The following FGF12 variants were observed in gnomAD, a reference collection of about 807,000 sequenced individuals.
FGF12 encodes fibroblast growth factor 12.
A neutral mutation model predicts 23.6 loss-of-function variants in FGF12; 14 were observed. The ratio of observed to expected loss-of-function variants is 0.59; its 90% CI spans 0.39 to 0.93. The LOEUF is 0.93. FGF12 is among the 40% of genes least tolerant of loss of function. The probability of loss-of-function intolerance (pLI) is 0.00; values close to 1 mark genes in which losing one functional copy is unlikely to be tolerated. For missense variants in FGF12, 175 were observed against 217.8 expected, an observed-to-expected ratio of 0.80 and a Z score of 1.24; for synonymous variants, 62 against 77.3, an observed-to-expected ratio of 0.80 and a Z score of 1.04.
intron 2 of FGF12, among the ~76,000 whole-genome samples, chr3:192,495,504 G>C (rs1723928846): frequency 6.6e-6 from 1 of 152,198 alleles, no homozygotes; most frequent in Admixed American, 6.5e-5. Flanking sequence ...CAATCATAAA[G>C]TGTTTTAGAC....
intron 2 of FGF12, among the ~76,000 whole-genome samples, chr3:192,552,708 T>C (rs1166337653): frequency 6.6e-6 from 1 of 152,078 alleles, no homozygotes; most frequent in Non-Finnish European, 1.5e-5. Context: ...CTGGCCAACA[T>C]GGTGAAATCC....
chr3:192,236,545 G>C (rs913200250), intron 4 of FGF12, among the ~76,000 whole-genome samples: 4 of 152,140 alleles, frequency 2.6e-5, no homozygotes, highest in African/African-American at 7.2e-5. Context: ...TTCCAGTGTT[G>C]GGTGCATACA....
At chr3:192,269,066 C>T (rs959115392) in intron 4 of FGF12, among the ~76,000 whole-genome samples, 1 of 152,044 alleles carries the variant, frequency 6.6e-6, no homozygotes, top group Non-Finnish European at 1.5e-5. Flanking sequence ...AGGCGTGTGC[C>T]ACCACGCCTG....
chr3:192,300,931 T>A (rs552422224), intron 4 of FGF12, among the ~76,000 whole-genome samples: 1 of 152,172 alleles, frequency 6.6e-6, no homozygotes, highest in South Asian at 2.1e-4. Flanking sequence ...GGCATGAGAA[T>A]TGCTTGAATC....
At chr3:192,186,681 G>T (rs565080005) in intron 4 of FGF12, among the ~76,000 whole-genome samples, 1 of 152,138 alleles carries the variant, frequency 6.6e-6, no homozygotes, top group East Asian at 1.9e-4. Flanking sequence ...TGATTTTCAT[G>T]CTCTTGCAAA....
At chr3:192,145,390 A>G (rs1375257592) in intron 5 of FGF12, among the ~76,000 whole-genome samples, 1 of 152,200 alleles carries the variant, frequency 6.6e-6, no homozygotes, top group African/African-American at 2.4e-5. Context: ...GTCTCCTGAG[A>G]CTGGTTCAGT....
At chr3:192,367,344 ATGT>A (rs1553803293) in intron 2 of FGF12, among the ~76,000 whole-genome samples, 1 of 152,194 alleles carries the variant, frequency 6.6e-6, no homozygotes, top group Non-Finnish European at 1.5e-5. Context: ...TTAACATTTA[ATGT>A]TGTCCACTTA....
At chr3:192,412,318 G>A (rs1442309448) in intron 2 of FGF12, among the ~76,000 whole-genome samples, 2 of 152,158 alleles carry the variant, frequency 1.3e-5, no homozygotes, top group African/African-American at 2.4e-5. Context: ...AGAAGGTAAC[G>A]AATACAGAGG....
At chr3:192,195,162 G>C (rs886672691) in intron 4 of FGF12, among the ~76,000 whole-genome samples, 3 of 152,160 alleles carry the variant, frequency 2.0e-5, no homozygotes, top group Non-Finnish European at 4.4e-5. Context: ...TTTGAAGTGG[G>C]AACAAAACAA....
chr3:192,334,009 ACC>A, intron 4 of FGF12, among the ~76,000 whole-genome samples: 1 of 152,156 alleles, frequency 6.6e-6, no homozygotes, highest in Non-Finnish European at 1.5e-5. Flanking sequence ...TGCAGAGTAA[ACC>A]ATGGTTTGTG....
At chr3:192,716,791 C>T (rs192102737) in intron 2 of FGF12, among the ~76,000 whole-genome samples, 13 of 152,238 alleles carry the variant, frequency 8.5e-5, no homozygotes, top group Non-Finnish European at 1.6e-4. Flanking sequence ...AATTAGGAAG[C>T]AAGGATACAG....
chr3:192,165,778 A>G (rs570913296), intron 5 of FGF12, among the ~76,000 whole-genome samples: 6 of 152,340 alleles, frequency 3.9e-5, no homozygotes, highest in African/African-American at 9.6e-5. Flanking sequence ...GAGTATTTGC[A>G]TATTCACAGG....
intron 2 of FGF12, among the ~76,000 whole-genome samples, chr3:192,367,982 T>C (rs1159709400): frequency 6.6e-6 from 1 of 152,240 alleles, no homozygotes; most frequent in Non-Finnish European, 1.5e-5. Context: ...TAGATACTAA[T>C]GGCACGTTTT....
intron 2 of FGF12, among the ~76,000 whole-genome samples, chr3:192,389,152 G>T (rs1311223639): frequency 6.6e-6 from 1 of 152,180 alleles, no homozygotes; most frequent in Non-Finnish European, 1.5e-5. Flanking sequence ...CAGATGTCAG[G>T]AGTTCCAGAC....
chr3:192,262,132 G>T (rs1712794443), intron 4 of FGF12, among the ~76,000 whole-genome samples: 1 of 152,094 alleles, frequency 6.6e-6, no homozygotes, highest in Non-Finnish European at 1.5e-5. Flanking sequence ...AACAAACCTT[G>T]GTGACAGACT....
Position 192,144,167 on chromosome 3 carries a change from C to T in FGF12, c.428-40G>A, listed in dbSNP as rs762874582. The stretch of plus-strand genomic sequence containing the variant: ...AACAAAAATTACTTATGACAGTGGA[C>T]ATAAATTTCCTTCAATAAGCTTTTC... On this transcript the variant is annotated intron_variant, in intron 5 of 5. Transcript: ENST00000445105. 9 of 1,175,058 alleles carry T rather than the reference C, an allele frequency of 7.7e-6. No homozygotes were observed. The Admixed American group carries it at 1.5e-4, about 20-fold the overall frequency. The allele number at this position is 1,175,058 out of a possible 1,614,324, so 72.8% of individuals were successfully genotyped here. A position where few individuals can be genotyped will look rare whatever the true frequency, so the allele number is the denominator to read the frequency against.
At chr3:192,210,259 G>C (rs528495605) in intron 4 of FGF12, among the ~76,000 whole-genome samples, 7 of 152,326 alleles carry the variant, frequency 4.6e-5, no homozygotes, top group African/African-American at 1.7e-4. Flanking sequence ...GGAGCCAGGG[G>C]AGGCAAGGTG....
At chr3:192,711,876 T>C (rs1325478147) in intron 2 of FGF12, among the ~76,000 whole-genome samples, 1 of 149,340 alleles carries the variant, frequency 6.7e-6, no homozygotes, top group Non-Finnish European at 1.5e-5. Context: ...TCTGCTGACC[T>C]TCCCTCCACT....
intron 4 of FGF12, among the ~76,000 whole-genome samples, chr3:192,194,084 G>A (rs1455371446): frequency 6.6e-6 from 1 of 152,168 alleles, no homozygotes; most frequent in East Asian, 1.9e-4. Context: ...AATCTGAGCG[G>A]TTTTAAATGT....
Sources: gnomAD v4.1 joint callset for allele counts (sites outside exome capture counted in the v4.1 genomes callset) on GRCh38, gnomAD v4.1.1 for gene constraint, MANE v1.5 for transcripts, NCBI Gene and HGNC (gene_info 2026-07-23, HGNC 2026-07-21) for gene names.